The following PDCD4 variants were observed in gnomAD, a reference collection of about 807,000 sequenced individuals.
PDCD4 encodes programmed cell death 4.
In PDCD4, 56 loss-of-function variants were observed where a neutral mutation model predicts 54.0. The ratio of observed to expected loss-of-function variants is 1.04; its 90% CI spans 0.84 to 1.30. PDCD4 has a LOEUF of 1.30. Among genes scored for constraint, PDCD4 ranks in the 50% most tolerant of loss-of-function variants. The pLI, the probability that PDCD4 is intolerant of heterozygous loss-of-function variation, is 0.00. For synonymous variants in PDCD4, 186 were observed against 194.8 expected (o/e 0.95, Z 0.37); for missense variants, 584 against 559.8 (o/e 1.04, Z -0.44).
chr10:110,881,135 A>G (rs1011610207), intron 2 of PDCD4, 98 bp from the exon 3 acceptor site: 15 of 810,454 alleles, frequency 1.9e-5, no homozygotes, highest in East Asian at 7.5e-5. Context: ...AAAAATGGTA[A>G]TGTCATGTGA....
At position 110,872,009 on chromosome 10, in the gene PDCD4, G is replaced by A. The variant is rs1386949058; in HGVS notation, c.-72G>A. On this transcript the variant is annotated 5_prime_UTR_variant, in exon 1 of 12. Transcript: ENST00000280154. Reference sequence around the variant, plus strand: ...AGGAACCTGGGCGAGCAGCGGCGGGGGCCCGAGGGGTCAGTACCAGTAGGC... The same window carrying A: ...AGGAACCTGGGCGAGCAGCGGCGGGAGCCCGAGGGGTCAGTACCAGTAGGC... The A allele has an allele frequency of 6.5e-6, 1 of 152,750 alleles. No individual in the cohort carries two copies. The highest frequency in any genetic ancestry group is 1.5e-5 in the Non-Finnish European group (1 of 68,350). 9.5% of individuals were successfully genotyped at this position (152,750 alleles called of 1,614,324 possible).
In PDCD4 at chr10:110,883,998, T is replaced by C. The variant is rs146946471; in HGVS notation, c.441+901T>C. Among the ~76,000 whole-genome samples the C allele has an allele frequency of 1.5e-4, 23 of 152,358 alleles. No homozygotes were observed. The East Asian group carries it at 2.1e-3, about 14-fold the overall frequency. On this transcript the variant is annotated intron_variant, in intron 4 of 11. Transcript: ENST00000280154. ...TGAAGCCAGTCACAAGTTGTAAATATAGCAGTCCCCTCTTATCCGTGGTTT... is the reference window on the plus strand; with the variant it reads ...TGAAGCCAGTCACAAGTTGTAAATACAGCAGTCCCCTCTTATCCGTGGTTT...
chr10:110,883,107 C>G lies in PDCD4; in HGVS notation c.441+10C>G. The G allele has an allele frequency of 2.0e-6, 3 of 1,523,078 alleles. No individual in the cohort carries two copies. The highest frequency in any genetic ancestry group is 2.7e-6 in the Non-Finnish European group (3 of 1,119,478). 94.3% of individuals were successfully genotyped at this position (1,523,078 alleles called of 1,614,324 possible). On this transcript the variant is annotated intron_variant, in intron 4 of 11. Coordinates refer to ENST00000280154, the MANE Select transcript of PDCD4 (RefSeq NM_014456.5). ...CTATGATGATGACCAGGTATCAGTG[C>G]TTTGCTTTTTCATAATATTTAAAAT...
At chr10:110,874,499 A>T (rs1467511984) in intron 1 of PDCD4, among the ~76,000 whole-genome samples, 1 of 152,150 alleles carries the variant, frequency 6.6e-6, no homozygotes, top group Non-Finnish European at 1.5e-5. Flanking sequence ...TCATATATTT[A>T]TATGAATCTC....
intron 6 of PDCD4, among the ~76,000 whole-genome samples, 199 bp from the exon 7 acceptor site, chr10:110,889,334 T>C (rs556693014): frequency 1.4e-3 from 206 of 152,156 alleles, no homozygotes; most frequent in African/African-American, 4.6e-3. Context: ...CTCTGGCACT[T>C]AACTTGAAGG....
At position 110,889,617 on chromosome 10, in the gene PDCD4, T is replaced by G; in HGVS notation, c.862T>G (p.Cys288Gly). Residue 288 changes from cysteine (C) to glycine (G), a missense_variant, in exon 7 of 12, where the codon TGT becomes GGT. By Grantham distance (159) the Cys-to-Gly change is radical (BLOSUM62 -3). Transcript: ENST00000280154. ...TGATAGTTACAAAGGAACTGTAGAT[T>G]GTGTGCAGGCTAGGTAAGTAAATCA... Reference protein sequence around the residue: ...YIDSYKGTVDCVQARAALDKA... With the variant: ...YIDSYKGTVDGVQARAALDKA... The G allele has an allele frequency of 1.9e-6, 3 of 1,578,168 alleles. No homozygotes were observed. The highest frequency in any genetic ancestry group is 2.6e-6 in the Non-Finnish European group (3 of 1,148,856).
At chr10:110,889,485 A>G (rs768128964) in intron 6 of PDCD4, 48 bp from the exon 7 acceptor site, 11 of 1,034,792 alleles carry the variant, frequency 1.1e-5, no homozygotes, top group African/African-American at 1.6e-5. Context: ...GTGACCTATA[A>G]AAGTTATTTA....
At chr10:110,876,564 G>A (rs1185344975) in intron 2 of PDCD4, 2 of 399,622 alleles carry the variant, frequency 5.0e-6, no homozygotes, top group Non-Finnish European at 9.1e-6. Flanking sequence ...AGAATAGTGA[G>A]CCTGCTTATT....
intron 5 of PDCD4, among the ~76,000 whole-genome samples, chr10:110,886,483 A>AT (rs1221995607): frequency 6.6e-6 from 1 of 152,142 alleles, no homozygotes; most frequent in Non-Finnish European, 1.5e-5. Flanking sequence ...GTGAGAAGAG[A>AT]TTACTAACAA....
At chr10:110,892,954 C>A (rs1845777728) in intron 8 of PDCD4, among the ~76,000 whole-genome samples, 1 of 152,072 alleles carries the variant, frequency 6.6e-6, no homozygotes, top group Admixed American at 6.6e-5. Flanking sequence ...TTTAGATACA[C>A]AAATACCATT....
At chr10:110,883,633 A>G (rs1845625722) in intron 4 of PDCD4, among the ~76,000 whole-genome samples, 1 of 152,146 alleles carries the variant, frequency 6.6e-6, no homozygotes, top group Non-Finnish European at 1.5e-5. Context: ...ACTCATAGGC[A>G]GTCTTGTTTA....
intron 6 of PDCD4, among the ~76,000 whole-genome samples, chr10:110,888,917 CT>C (rs765475521): frequency 1.3e-5 from 2 of 151,018 alleles, no homozygotes; most frequent in East Asian, 1.9e-4. Flanking sequence ...GAACCTAGTC[CT>C]TTTTTTTTGT....
At chr10:110,883,637 T>C (rs191514804) in intron 4 of PDCD4, among the ~76,000 whole-genome samples, 3 of 152,206 alleles carry the variant, frequency 2.0e-5, no homozygotes, top group African/African-American at 7.2e-5. Context: ...ATAGGCAGTC[T>C]TGTTTAATTC....
At chr10:110,889,663 A>G in intron 7 of PDCD4, 33 bp downstream of exon 7, 1 of 1,143,012 alleles carries the variant, frequency 8.7e-7, no homozygotes, top group East Asian at 2.3e-5. Flanking sequence ...TTAGAATTTC[A>G]AAATAGGGGA....
At chr10:110,876,137 G>A in intron 2 of PDCD4, 67 bp downstream of exon 2, 2 of 1,323,302 alleles carry the variant, frequency 1.5e-6, no homozygotes, top group Non-Finnish European at 2.1e-6. Flanking sequence ...TGTCACCCAG[G>A]CTGGAGTGCA....
At position 110,883,175 on chromosome 10, in the gene PDCD4, C is replaced by A; in HGVS notation, c.441+78C>A. On this transcript the variant is annotated intron_variant, in intron 4 of 11. Coordinates refer to ENST00000280154, the MANE Select transcript of PDCD4 (RefSeq NM_014456.5). The stretch of plus-strand genomic sequence containing the variant: ...ACTTCATGTTTGTAGTTTACTCATA[C>A]ATGTGTCAAATCATATGTATAAATG... 3 of 891,492 alleles carry A rather than the reference C, an allele frequency of 3.4e-6. No individual in the cohort carries two copies. In the East Asian group the frequency reaches 8.1e-5, roughly 24 times the overall value. The allele number at this position is 891,492 out of a possible 1,614,324, so 55.2% of individuals were successfully genotyped here.
Position 110,889,682 on chromosome 10 carries a change from C to T in PDCD4, c.875+52C>T, listed in dbSNP as rs933333678. 3.0e-6 allele frequency: 3 copies of T among 988,844 alleles called. No homozygotes were observed. In the Admixed American group the frequency reaches 5.5e-5, roughly 18 times the overall value. The allele number at this position is 988,844 out of a possible 1,614,324, so 61.3% of individuals were successfully genotyped here. A position where few individuals can be genotyped will look rare whatever the true frequency, so the allele number is the denominator to read the frequency against. ...AATTTCAAAATAGGGGAAAATTCTA[C>T]AGGATCCTATTGAAATGACACTTGT... On this transcript the variant is annotated intron_variant, in intron 7 of 11. Transcript: ENST00000280154.
intron 5 of PDCD4, among the ~76,000 whole-genome samples, chr10:110,885,646 C>T (rs1845659768): frequency 6.6e-6 from 1 of 151,166 alleles, no homozygotes; most frequent in Non-Finnish European, 1.5e-5. Flanking sequence ...TTTATAAAAT[C>T]TGTTTTTATA....
At chr10:110,880,676 T>C (rs1166006232) in intron 2 of PDCD4, among the ~76,000 whole-genome samples, 2 of 152,362 alleles carry the variant, frequency 1.3e-5, no homozygotes, top group Middle Eastern at 3.4e-3. Flanking sequence ...TACCTAGTTA[T>C]GGGACGTTTG....
Sources: allele counts gnomAD v4.1 joint callset (sites outside exome capture counted in the v4.1 genomes callset), GRCh38; gene constraint gnomAD v4.1.1; transcripts MANE v1.5; gene names NCBI Gene and HGNC (gene_info 2026-07-23, HGNC 2026-07-21).